Variants in PTPRT observed in about 807,000 individuals in gnomAD.
PTPRT encodes the protein receptor-type tyrosine-protein phosphatase T.
In PTPRT, 56 loss-of-function variants were observed where a neutral mutation model predicts 176.8. That is an observed-to-expected ratio of 0.32 (90% CI 0.26 to 0.40). The LOEUF is 0.40. Ranked by LOEUF, PTPRT falls within the 10% of genes least tolerant of loss-of-function variation. PTPRT has a pLI of 1.00. For synonymous variants in PTPRT, 783 were observed against 739.0 expected (o/e 1.06, Z -0.96); for missense variants, 1,540 against 1,908.2 (o/e 0.81, Z 3.60).
intron 9 of PTPRT, 68 bp downstream of exon 9, chr20:42,448,152 A>G (rs2070765975): frequency 1.6e-6 from 2 of 1,236,826 alleles, no homozygotes; most frequent in Admixed American, 1.7e-5. Context: ...ATGGGTATTC[A>G]CCAATGTCAG....
chr20:42,914,048 T>A (rs1016517764), intron 1 of PTPRT, among the ~76,000 whole-genome samples: 1 of 152,204 alleles, frequency 6.6e-6, no homozygotes, highest in African/African-American at 2.4e-5. Flanking sequence ...CTGGAGTAGA[T>A]TTGTGTGTTT....
At chr20:42,359,942 G>C (rs1490100523) in intron 9 of PTPRT, among the ~76,000 whole-genome samples, 2 of 152,222 alleles carry the variant, frequency 1.3e-5, no homozygotes, top group Non-Finnish European at 2.9e-5. Context: ...TGTTGTAGGA[G>C]TGGGGAAGTT....
At chr20:42,973,918 A>T (rs2146071555) in intron 1 of PTPRT, among the ~76,000 whole-genome samples, 1 of 152,316 alleles carries the variant, frequency 6.6e-6, no homozygotes, top group Middle Eastern at 3.4e-3. Flanking sequence ...ACAGATGCAG[A>T]AGAGAGATGC....
intron 1 of PTPRT, among the ~76,000 whole-genome samples, chr20:42,928,010 C>T (rs1415697527): frequency 1.3e-5 from 2 of 152,202 alleles, no homozygotes; most frequent in Admixed American, 6.5e-5. Context: ...TAAGCAGCAC[C>T]GTGTAGCACA....
At chr20:42,321,822 G>A (rs1338493476) in intron 11 of PTPRT, among the ~76,000 whole-genome samples, 7 of 152,150 alleles carry the variant, frequency 4.6e-5, no homozygotes, top group Non-Finnish European at 8.8e-5. Context: ...GGTGGCTCAC[G>A]CCTGTAATCC....
At chr20:42,085,941 T>G (rs1983855596) in intron 27 of PTPRT, 88 bp from the exon 28 acceptor site, 1 of 1,388,410 alleles carries the variant, frequency 7.2e-7, no homozygotes, top group Non-Finnish European at 9.7e-7. Flanking sequence ...TTCTTTTCTT[T>G]TTTTCTTTTT....
chr20:42,485,296 T>G (rs2071448006), intron 7 of PTPRT, among the ~76,000 whole-genome samples: 1 of 152,148 alleles, frequency 6.6e-6, no homozygotes, highest in Admixed American at 6.5e-5. Context: ...AGTCGCTTTA[T>G]TCATTTAAAG....
At chr20:42,098,157 T>A (rs1985468710) in intron 27 of PTPRT, among the ~76,000 whole-genome samples, 1 of 151,798 alleles carries the variant, frequency 6.6e-6, no homozygotes, top group African/African-American at 2.4e-5. Context: ...TCAATGCTTG[T>A]GAGATGGAGC....
chr20:42,034,837 T>C, the PTPRT span, among the ~76,000 whole-genome samples: 1 of 152,152 alleles, frequency 6.6e-6, no homozygotes, highest in African/African-American at 2.4e-5. Flanking sequence ...ACTCATTGTG[T>C]TAAAAAAAGT....
chr20:42,350,519 G>T, intron 11 of PTPRT, 109 bp downstream of exon 11: 4 of 938,362 alleles, frequency 4.3e-6, no homozygotes, highest in Non-Finnish European at 6.8e-6. Context: ...AGGAAGCTTT[G>T]TTCCTGGCCA....
At chr20:43,145,085 A>G (rs1312024103) in intron 1 of PTPRT, among the ~76,000 whole-genome samples, 1 of 151,958 alleles carries the variant, frequency 6.6e-6, no homozygotes, top group African/African-American at 2.4e-5. Context: ...GAAACACTAG[A>G]CTTCTCCTCT....
chr20:42,433,442 C>A (rs371008157), intron 9 of PTPRT, among the ~76,000 whole-genome samples: 2 of 152,152 alleles, frequency 1.3e-5, no homozygotes, highest in Non-Finnish European at 1.5e-5. Flanking sequence ...TGCAGGCTAA[C>A]CCCATTCTGT....
intron 7 of PTPRT, among the ~76,000 whole-genome samples, chr20:42,657,479 C>A (rs2075145454): frequency 6.6e-6 from 1 of 152,180 alleles, no homozygotes; most frequent in South Asian, 2.1e-4. Context: ...CACAACCCAA[C>A]CTTATGGTGG....
At chr20:43,169,159 A>G (rs1259698476) in intron 1 of PTPRT, among the ~76,000 whole-genome samples, 1 of 152,260 alleles carries the variant, frequency 6.6e-6, no homozygotes, top group Admixed American at 6.5e-5. Flanking sequence ...CTGCAAAAGC[A>G]TCAGAAGACT....
intron 2 of PTPRT, among the ~76,000 whole-genome samples, chr20:42,792,754 T>G (rs2077395766): frequency 6.6e-6 from 1 of 152,184 alleles, no homozygotes; most frequent in Admixed American, 6.5e-5. Context: ...TCTTTCACCC[T>G]AATACCAAAA....
intron 14 of PTPRT, among the ~76,000 whole-genome samples, chr20:42,240,499 G>T (rs1019878816): frequency 1.3e-5 from 2 of 152,136 alleles, no homozygotes; most frequent in African/African-American, 4.8e-5. Flanking sequence ...ATCACATACT[G>T]CAGAACCTTT....
At chr20:42,494,358 GA>G (rs1418752449) in intron 7 of PTPRT, among the ~76,000 whole-genome samples, 1 of 152,130 alleles carries the variant, frequency 6.6e-6, no homozygotes, top group Non-Finnish European at 1.5e-5. Context: ...TAGTTATAAA[GA>G]ATAATGAAGT....
At chr20:42,306,053 T>C (rs1462759912) in intron 12 of PTPRT, among the ~76,000 whole-genome samples, 1 of 152,216 alleles carries the variant, frequency 6.6e-6, no homozygotes, top group Admixed American at 6.5e-5. Context: ...GCTGTCAACA[T>C]TTGGGTAACC....
At chr20:42,987,900 G>A (rs1983692177) in intron 1 of PTPRT, among the ~76,000 whole-genome samples, 1 of 152,202 alleles carries the variant, frequency 6.6e-6, no homozygotes, top group South Asian at 2.1e-4. Context: ...GCTCACACAT[G>A]TGGCTGCTGG....
Sources: allele counts gnomAD v4.1 joint callset (sites outside exome capture counted in the v4.1 genomes callset), GRCh38; gene constraint gnomAD v4.1.1; transcripts MANE v1.5; gene names NCBI Gene and HGNC (gene_info 2026-07-23, HGNC 2026-07-21).